The following EPYC variants were observed in gnomAD, a reference collection of about 807,000 sequenced individuals.
EPYC encodes dermatan sulfate proteoglycan 3.
In EPYC, 28 loss-of-function variants were observed where a neutral mutation model predicts 30.1. The observed-to-expected ratio is 0.93, with a 90% CI of 0.69 to 1.28. The LOEUF is 1.28. Ranked by LOEUF, EPYC falls within the 50% of genes most tolerant of loss-of-function variation. The pLI is 0.00. For synonymous variants in EPYC, 144 were observed against 141.4 expected (o/e 1.02, Z -0.13); for missense variants, 382 against 383.5 (o/e 1.00, Z 0.03).
At chr12:90,972,401 G>T (rs1401165889) in intron 4 of EPYC, among the ~76,000 whole-genome samples, 1 of 152,090 alleles carries the variant, frequency 6.6e-6, no homozygotes, top group Admixed American at 6.5e-5. Flanking sequence ...CTTCTAAGTT[G>T]GCAACAACTT....
chr12:90,992,545 T>G (rs2408419), intron 2 of EPYC, among the ~76,000 whole-genome samples: 124,221 of 152,096 alleles, frequency 0.82, 51,012 homozygotes, highest in Non-Finnish European at 0.87. Flanking sequence ...GCAGCATCAA[T>G]TGCCAGAAAG....
chr12:90,993,106 C>T (rs75357115), intron 2 of EPYC, among the ~76,000 whole-genome samples: 1 of 152,118 alleles, frequency 6.6e-6, no homozygotes, highest in African/African-American at 2.4e-5. Flanking sequence ...TTCTTAGATC[C>T]TCTGTTGATC....
chr12:90,969,661 T>C (rs1017708768), intron 6 of EPYC, among the ~76,000 whole-genome samples: 26 of 152,144 alleles, frequency 1.7e-4, no homozygotes, highest in Admixed American at 7.2e-4. Context: ...GTTTTTTTTT[T>C]CCCCTGACAG....
intron 2 of EPYC, among the ~76,000 whole-genome samples, chr12:90,984,675 A>C (rs1877405266): frequency 6.6e-6 from 1 of 152,104 alleles, no homozygotes; most frequent in South Asian, 2.1e-4. Flanking sequence ...TGCAATTTAC[A>C]TCTCACAGGA....
rs1314644492 is a variant in EPYC, at chr12:90,996,777, T to G, written c.165+5624A>C. Among the ~76,000 whole-genome samples the G allele has an allele frequency of 2.0e-5, 3 of 152,026 alleles. No individual in the cohort carries two copies. In the South Asian group the frequency reaches 6.2e-4, roughly 32 times the overall value. On this transcript the variant is annotated intron_variant, in intron 2 of 6. Transcript: ENST00000261172. The stretch of plus-strand genomic sequence containing the variant: ...AGGAAAGCATCTCTCATGCAAGAAA[T>G]TTTCTATGACCAGTTTTTACTAATA...
intron 2 of EPYC, among the ~76,000 whole-genome samples, chr12:90,983,277 C>T (rs545147313): frequency 1.4e-4 from 22 of 152,150 alleles, no homozygotes; most frequent in Non-Finnish European, 2.5e-4. Context: ...AAGTTATCTA[C>T]AGTTGTAACT....
At chr12:90,997,687 A>G (rs1239267813) in intron 2 of EPYC, among the ~76,000 whole-genome samples, 1 of 152,082 alleles carries the variant, frequency 6.6e-6, no homozygotes, top group Admixed American at 6.6e-5. Flanking sequence ...TATGTGATAA[A>G]CATAAAATTA....
intron 2 of EPYC, among the ~76,000 whole-genome samples, chr12:91,000,999 A>C (rs1056621329): frequency 6.6e-6 from 1 of 152,052 alleles, no homozygotes; most frequent in East Asian, 1.9e-4. Context: ...AAATAAATCA[A>C]ACAGTGAATA....
chr12:90,967,946 G>C (rs187413632), intron 6 of EPYC, among the ~76,000 whole-genome samples: 1 of 151,768 alleles, frequency 6.6e-6, no homozygotes, highest in African/African-American at 2.4e-5. Context: ...TTCTAGCCTG[G>C]GTGACAGAGC....
At chr12:90,971,159 A>G (rs994598772) in intron 5 of EPYC, among the ~76,000 whole-genome samples, 3 of 152,084 alleles carry the variant, frequency 2.0e-5, no homozygotes, top group South Asian at 2.1e-4. Context: ...GGTCTGATCA[A>G]TACAGATTCT....
chr12:91,000,950 C>T (rs1451362565), intron 2 of EPYC, among the ~76,000 whole-genome samples: 1 of 151,974 alleles, frequency 6.6e-6, no homozygotes, highest in Non-Finnish European at 1.5e-5. Context: ...CATAAATTCT[C>T]AACAGAAAAT....
rs1267934182 is a variant in EPYC at position 90,984,137 on chromosome 12, C to T, written c.166-5875G>A. On this transcript the variant is annotated intron_variant, in intron 2 of 6. Coordinates refer to ENST00000261172, the MANE Select transcript of EPYC (RefSeq NM_004950.5). ...ATCTTTATAGGACAGGGGTAAGGTC[C>T]CAATACTAACAGGAAAACGCTTAGG... Among the ~76,000 whole-genome samples the T allele has an allele frequency of 5.9e-5, 9 of 152,168 alleles. No individual in the cohort carries two copies. The East Asian group carries it at 1.7e-3, about 29-fold the overall frequency.
chr12:90,977,974 T>C, intron 3 of EPYC, 114 bp downstream of exon 3: 1 of 861,138 alleles, frequency 1.2e-6, no homozygotes. Flanking sequence ...ACCTAGCCTA[T>C]TCCAAAACTT....
chr12:90,991,810 T>C (rs928263808), intron 2 of EPYC, among the ~76,000 whole-genome samples: 2 of 152,170 alleles, frequency 1.3e-5, no homozygotes, highest in African/African-American at 4.8e-5. Context: ...GATTCAAATA[T>C]GTGACCAAGG....
intron 6 of EPYC, among the ~76,000 whole-genome samples, chr12:90,969,120 A>G (rs2084025734): frequency 6.6e-6 from 1 of 151,910 alleles, no homozygotes; most frequent in East Asian, 1.9e-4. Flanking sequence ...AAAAGGCACA[A>G]AGGTAAATAT....
intron 5 of EPYC, 114 bp from the exon 6 acceptor site, chr12:90,970,253 C>A: frequency 1.3e-6 from 1 of 750,324 alleles, no homozygotes; most frequent in Non-Finnish European, 2.2e-6. Context: ...TGTAAAATAG[C>A]ATGTTCCAGT....
chr12:90,995,216 T>C (rs1305068451), intron 2 of EPYC, among the ~76,000 whole-genome samples: 1 of 152,124 alleles, frequency 6.6e-6, no homozygotes, highest in Non-Finnish European at 1.5e-5. Context: ...GGAAGAAATG[T>C]ATTTGGCAAA....
At chr12:90,971,654 C>G (rs528371909) in intron 5 of EPYC, 146 bp downstream of exon 5, 2 of 270,734 alleles carry the variant, frequency 7.4e-6, no homozygotes, top group East Asian at 2.1e-4. Flanking sequence ...GCCTGGGTGA[C>G]AGAGTGAGAC....
intron 3 of EPYC, 122 bp from the exon 4 acceptor site, chr12:90,973,102 C>G: frequency 1.9e-6 from 1 of 513,026 alleles, no homozygotes; most frequent in Non-Finnish European, 3.2e-6. Flanking sequence ...TATATTTTCT[C>G]GTAATGCTTT....
Sources: gnomAD v4.1 joint callset for allele counts (sites outside exome capture counted in the v4.1 genomes callset) on GRCh38, gnomAD v4.1.1 for gene constraint, MANE v1.5 for transcripts, NCBI Gene and HGNC (gene_info 2026-07-23, HGNC 2026-07-21) for gene names.